The following CAMK2D variants were observed in gnomAD, a reference collection of about 807,000 sequenced individuals.
CAMK2D encodes the protein calcium/calmodulin dependent protein kinase II delta, also known as calcium/calmodulin-dependent protein kinase type II subunit delta.
A neutral mutation model predicts 84.0 loss-of-function variants in CAMK2D; 37 were observed. The observed-to-expected ratio is 0.44, with a 90% confidence interval of 0.34 to 0.58. The LOEUF (loss-of-function observed/expected upper bound fraction) is 0.58, where lower values mean the gene tolerates loss of function less well. CAMK2D is among the 20% of genes least tolerant of loss of function. The pLI, the probability that CAMK2D is intolerant of heterozygous loss-of-function variation, is 0.02. For synonymous variants in CAMK2D, 202 were observed against 212.5 expected, an observed-to-expected ratio of 0.95 and a Z score of 0.43; for missense variants, 448 against 652.5, an observed-to-expected ratio of 0.69 and a Z score of 3.41.
At chr4:113,642,954 C>G (rs1250094215) in intron 3 of CAMK2D, among the ~76,000 whole-genome samples, 1 of 151,916 alleles carries the variant, frequency 6.6e-6, no homozygotes, top group East Asian at 1.9e-4. Context: ...TAAACTATAT[C>G]TATAAAATAA....
intron 8 of CAMK2D, among the ~76,000 whole-genome samples, chr4:113,523,040 C>A (rs908003982): frequency 2.0e-5 from 3 of 152,154 alleles, no homozygotes; most frequent in Non-Finnish European, 2.9e-5. Context: ...CTCTTAACTA[C>A]CATGTGAGGA....
chr4:113,585,459 A>G (rs2098829548), intron 4 of CAMK2D, among the ~76,000 whole-genome samples: 3 of 152,166 alleles, frequency 2.0e-5, no homozygotes, highest in Admixed American at 6.5e-5. Context: ...ATACACATGT[A>G]TTTTGTATAC....
In CAMK2D at chr4:113,741,637, C is replaced by CA. The variant is rs776659593; in HGVS notation, c.160+17682dup. The stretch of plus-strand genomic sequence containing the variant: ...TCCTTACAATGTATTCTCCACATGG[C>CA]AGCCAGAGAGATATTTTTTAAAACA... On this transcript the variant is annotated intron_variant, in intron 2 of 20. Coordinates refer to ENST00000511664, the MANE Select transcript of CAMK2D (RefSeq NM_001321571.2). Among the ~76,000 whole-genome samples the CA allele has an allele frequency of 6.6e-5, 10 of 152,284 alleles. No homozygotes were observed. In the South Asian group the frequency reaches 2.1e-3, roughly 32 times the overall value.
intron 2 of CAMK2D, among the ~76,000 whole-genome samples, chr4:113,753,382 A>AG (rs1186061607): frequency 6.6e-6 from 1 of 151,944 alleles, no homozygotes; most frequent in East Asian, 1.9e-4. Flanking sequence ...ACACCAGAAA[A>AG]GGGGCTCAGG....
At chr4:113,483,473 T>C (rs904970273) in intron 16 of CAMK2D, among the ~76,000 whole-genome samples, 1 of 151,808 alleles carries the variant, frequency 6.6e-6, no homozygotes, top group Non-Finnish European at 1.5e-5. Context: ...TGGCACAATC[T>C]CGGCTCACTT....
chr4:113,556,955 A>G (rs1426960570), intron 4 of CAMK2D, among the ~76,000 whole-genome samples: 1 of 152,154 alleles, frequency 6.6e-6, no homozygotes, highest in Non-Finnish European at 1.5e-5. Flanking sequence ...AAATGGGGGA[A>G]TGAAACTATA....
At chr4:113,708,478 C>T (rs1477533521) in intron 2 of CAMK2D, among the ~76,000 whole-genome samples, 1 of 152,120 alleles carries the variant, frequency 6.6e-6, no homozygotes, top group African/African-American at 2.4e-5. Context: ...CCACCTGTTG[C>T]CTGGTAACTA....
At position 113,539,729 on chromosome 4, in the gene CAMK2D, T is replaced by C. The variant is rs561127831; in HGVS notation, c.415-2286A>G. Among the ~76,000 whole-genome samples, 8 of 152,326 alleles carry C rather than the reference T, an allele frequency of 5.3e-5. No individual in the cohort carries two copies. The South Asian group carries it at 1.0e-3, about 20-fold the overall frequency. Reference sequence around the variant, plus strand: ...CATGAAGACTGTTCAGCTGCAGTTATGTAGAAGAAAAGGCAGGGTTATTTG... The same window carrying C: ...CATGAAGACTGTTCAGCTGCAGTTACGTAGAAGAAAAGGCAGGGTTATTTG... On this transcript the variant is annotated intron_variant, in intron 6 of 20. Coordinates refer to ENST00000511664, the MANE Select transcript of CAMK2D (RefSeq NM_001321571.2).
chr4:113,634,948 C>A (rs1011170213), intron 3 of CAMK2D, among the ~76,000 whole-genome samples: 3 of 152,122 alleles, frequency 2.0e-5, no homozygotes, highest in African/African-American at 7.2e-5. Context: ...TTGTAATTAT[C>A]TTCACAAAAT....
At chr4:113,599,238 G>A (rs2098941165) in intron 4 of CAMK2D, among the ~76,000 whole-genome samples, 1 of 152,216 alleles carries the variant, frequency 6.6e-6, no homozygotes, top group African/African-American at 2.4e-5. Flanking sequence ...CATTGCTGGT[G>A]TGAATGCAAA....
intron 3 of CAMK2D, among the ~76,000 whole-genome samples, chr4:113,641,529 C>A (rs1295367290): frequency 6.6e-6 from 1 of 152,168 alleles, no homozygotes; most frequent in Non-Finnish European, 1.5e-5. Context: ...ATTTCATTCT[C>A]TAGACCTGTT....
At chr4:113,737,160 C>T (rs759097849) in intron 2 of CAMK2D, among the ~76,000 whole-genome samples, 1 of 152,030 alleles carries the variant, frequency 6.6e-6, no homozygotes, top group African/African-American at 2.4e-5. Flanking sequence ...TTAGAATGTT[C>T]AATTTAATAA....
At chr4:113,600,746 C>T (rs2098948421) in intron 4 of CAMK2D, among the ~76,000 whole-genome samples, 1 of 151,854 alleles carries the variant, frequency 6.6e-6, no homozygotes. Flanking sequence ...GATCCTCTCA[C>T]CTCAGCCTCT....
intron 2 of CAMK2D, among the ~76,000 whole-genome samples, chr4:113,734,386 T>C (rs1005255906): frequency 5.3e-5 from 8 of 152,226 alleles, no homozygotes; most frequent in Non-Finnish European, 8.8e-5. Flanking sequence ...AAAATACTTC[T>C]TGAATCACAA....
intron 8 of CAMK2D, among the ~76,000 whole-genome samples, chr4:113,526,563 C>T (rs1174079832): frequency 1.3e-5 from 2 of 152,108 alleles, no homozygotes; most frequent in Non-Finnish European, 2.9e-5. Flanking sequence ...CTTTTTCCCT[C>T]TTCCAGACAA....
chr4:113,731,986 A>ATCTAGT (rs1361563512), intron 2 of CAMK2D, among the ~76,000 whole-genome samples: 8 of 151,980 alleles, frequency 5.3e-5, no homozygotes, highest in Non-Finnish European at 1.2e-4. Flanking sequence ...TAGGAACCAG[A>ATCTAGT]TCTAGTTCTA....
intron 2 of CAMK2D, among the ~76,000 whole-genome samples, chr4:113,755,243 G>A (rs536211495): frequency 6.0e-5 from 9 of 149,922 alleles, no homozygotes; most frequent in Middle Eastern, 6.8e-3. Flanking sequence ...GCCTAATTTT[G>A]CATACATGGT....
At position 113,537,437 on chromosome 4, in the gene CAMK2D, T is replaced by G; in HGVS notation, c.421A>C (p.Asn141His). The change falls in exon 7 of 21, where the codon AAT becomes CAT. Residue 141 changes from asparagine to histidine, a missense_variant. Asn to His is a moderately conservative substitution (Grantham distance 68, BLOSUM62 1). Coordinates refer to ENST00000511664, the MANE Select transcript of CAMK2D (RefSeq NM_001321571.2). Reference sequence around the variant, plus strand: ...TTGGATTTGCTAGCTAAAAGCAAATTCTCAGGCTTTATTTAGAAAGAAAAA... The same window carrying G: ...TTGGATTTGCTAGCTAAAAGCAAATGCTCAGGCTTTATTTAGAAAGAAAAA... ...GVVHRDLKPE[N>H]LLLASKSKGA... The G allele has an allele frequency of 6.3e-7, 1 of 1,590,756 alleles. No homozygotes were observed. The highest frequency in any genetic ancestry group is 8.6e-7 in the Non-Finnish European group (1 of 1,159,864).
At chr4:113,749,265 C>G (rs114667716) in intron 2 of CAMK2D, among the ~76,000 whole-genome samples, 4,566 of 145,582 alleles carry the variant, frequency 0.031, 69 homozygotes, top group African/African-American at 0.07. Flanking sequence ...ACCCCGCCCC[C>G]CCCACCCAGT....
Sources: gnomAD v4.1 joint callset for allele counts (sites outside exome capture counted in the v4.1 genomes callset) on GRCh38, gnomAD v4.1.1 for gene constraint, MANE v1.5 for transcripts, NCBI Gene and HGNC (gene_info 2026-07-23, HGNC 2026-07-21) for gene names.